The following RGS9 variants were observed in gnomAD, a reference collection of about 807,000 sequenced individuals.
RGS9 encodes regulator of G protein signaling 9.
A neutral mutation model predicts 102.0 loss-of-function variants in RGS9; 78 were observed. The ratio of observed to expected loss-of-function variants is 0.76; its 90% CI spans 0.64 to 0.92. RGS9 has a LOEUF of 0.92. Among genes scored for constraint, RGS9 ranks in the 40% least tolerant of loss-of-function variants. The pLI, the probability that RGS9 is intolerant of heterozygous loss-of-function variation, is 0.00. For missense variants in RGS9, 833 were observed against 866.1 expected (o/e 0.96, Z 0.48); for synonymous variants, 353 against 318.6 (o/e 1.11, Z -1.15).
chr17:65,215,170 T>C (rs7215502), intron 17 of RGS9, among the ~76,000 whole-genome samples: 24,558 of 152,064 alleles, frequency 0.16, 3,086 homozygotes, highest in African/African-American at 0.35. Context: ...CTGTGGTCTC[T>C]GTCAAGAGGA....
intron 6 of RGS9, among the ~76,000 whole-genome samples, chr17:65,161,387 G>A (rs999163246): frequency 3.3e-5 from 5 of 152,184 alleles, no homozygotes; most frequent in Non-Finnish European, 7.3e-5. Flanking sequence ...GAGTAGCTGG[G>A]ATTACAGGCG....
intron 14 of RGS9, among the ~76,000 whole-genome samples, chr17:65,202,580 G>A (rs553179039): frequency 3.1e-4 from 47 of 152,176 alleles, no homozygotes; most frequent in African/African-American, 3.9e-4. Context: ...GACAGTGAGC[G>A]CAGCTTGGGG....
chr17:65,205,610 G>C (rs550039522), intron 15 of RGS9, among the ~76,000 whole-genome samples: 46 of 151,784 alleles, frequency 3.0e-4, no homozygotes, highest in African/African-American at 1.1e-3. Flanking sequence ...TAGGTTATAT[G>C]ATATAGGTTA....
intron 1 of RGS9, among the ~76,000 whole-genome samples, chr17:65,147,870 C>G (rs1910430484): frequency 6.6e-6 from 1 of 152,082 alleles, no homozygotes; most frequent in South Asian, 2.1e-4. Flanking sequence ...GGATTACAGG[C>G]ATGAGCCACT....
chr17:65,191,737 A>C (rs552224015), intron 11 of RGS9, among the ~76,000 whole-genome samples: 159 of 152,270 alleles, frequency 1.0e-3, no homozygotes, highest in African/African-American at 3.6e-3. Flanking sequence ...ACAGAGCAAG[A>C]CTTTGTCTCA....
intron 12 of RGS9, among the ~76,000 whole-genome samples, chr17:65,196,563 G>A (rs1450784702): frequency 2.6e-5 from 4 of 152,244 alleles, no homozygotes; most frequent in Non-Finnish European, 4.4e-5. Context: ...GCATCTTAGA[G>A]GAAGCCCTGA....
intron 10 of RGS9, 109 bp from the exon 11 acceptor site, chr17:65,190,066 G>A: frequency 1.1e-6 from 1 of 888,576 alleles, no homozygotes; most frequent in Non-Finnish European, 1.9e-6. Flanking sequence ...TCTGGGCATG[G>A]AACGGGATGT....
intron 12 of RGS9, among the ~76,000 whole-genome samples, chr17:65,196,581 T>A (rs1912593731): frequency 6.6e-6 from 1 of 151,910 alleles, no homozygotes; most frequent in Admixed American, 6.6e-5. Context: ...TGAAAGGGAG[T>A]GCAGAGATGG....
In RGS9 at chr17:65,137,479, TG is replaced by T. The variant is rs1047011512; in HGVS notation, c.-56del. 27 of 1,555,552 alleles carry T rather than the reference TG, an allele frequency of 1.7e-5. No individual in the cohort carries two copies. Among genetic ancestry groups the T allele is most frequent in the African/African-American group, 9.5e-5 (7 of 73,878 alleles). On this transcript the variant is annotated 5_prime_UTR_variant, in exon 1 of 19. Coordinates refer to ENST00000262406, the MANE Select transcript of RGS9 (RefSeq NM_003835.4). ...GGCGAGCCAGGCTGCCTTTCGAACTTGGGGGGCTTCTCCTCTTGTCTCCCAC... is the reference window on the plus strand; with the variant it reads ...GGCGAGCCAGGCTGCCTTTCGAACTTGGGGGCTTCTCCTCTTGTCTCCCAC...
intron 9 of RGS9, among the ~76,000 whole-genome samples, chr17:65,180,997 C>T (rs959175749): frequency 1.6e-4 from 25 of 152,308 alleles, no homozygotes; most frequent in African/African-American, 5.8e-4. Flanking sequence ...TTTATGGCTG[C>T]ATAGTATTCC....
intron 1 of RGS9, among the ~76,000 whole-genome samples, chr17:65,141,070 TTCTCACA>T (rs1211130974): frequency 2.0e-5 from 3 of 152,106 alleles, no homozygotes; most frequent in Non-Finnish European, 4.4e-5. Context: ...ATTCCCGAGG[TTCTCACA>T]CCCATGCCTC....
At chr17:65,218,257 T>A (rs1301458407) in intron 17 of RGS9, among the ~76,000 whole-genome samples, 1 of 152,232 alleles carries the variant, frequency 6.6e-6, no homozygotes, top group African/African-American at 2.4e-5. Context: ...TGCTGTGGGA[T>A]GGCCACGGGA....
At chr17:65,178,026 T>G (rs1040149118) in intron 9 of RGS9, among the ~76,000 whole-genome samples, 14 of 152,256 alleles carry the variant, frequency 9.2e-5, no homozygotes, top group Non-Finnish European at 2.9e-5. Flanking sequence ...ACAGAGGCTG[T>G]AGAGTGCAGG....
chr17:65,195,752 C>T (rs536256036), intron 12 of RGS9, among the ~76,000 whole-genome samples: 6 of 152,318 alleles, frequency 3.9e-5, no homozygotes, highest in South Asian at 4.1e-4. Flanking sequence ...CCTCCCAAAC[C>T]TCTTATTTGG....
chr17:65,194,191 T>C (rs1057217793), intron 12 of RGS9, among the ~76,000 whole-genome samples: 1 of 152,242 alleles, frequency 6.6e-6, no homozygotes, highest in African/African-American at 2.4e-5. Flanking sequence ...CTTAGCATCA[T>C]GTTTTCAAGG....
chr17:65,201,959 C>T lies in RGS9; in HGVS notation c.977-34C>T, dbSNP rs1220810614. On this transcript the variant is annotated intron_variant, in intron 13 of 18. Transcript: ENST00000262406. ...TTCTTCTTCCAACTTATTTCCTGCCCGGCCCTCATCCACGTGGACTTCTCA... is the reference window on the plus strand; with the variant it reads ...TTCTTCTTCCAACTTATTTCCTGCCTGGCCCTCATCCACGTGGACTTCTCA... 15 of 1,410,036 alleles carry T rather than the reference C, an allele frequency of 1.1e-5. 1 individual carries two copies. Among genetic ancestry groups the T allele is most frequent in the East Asian group, 4.6e-5 (2 of 43,910 alleles). The allele number at this position is 1,410,036 out of a possible 1,614,324, so 87.3% of individuals were successfully genotyped here.
At chr17:65,186,492 C>T (rs776550331) in intron 9 of RGS9, among the ~76,000 whole-genome samples, 2 of 152,128 alleles carry the variant, frequency 1.3e-5, no homozygotes, top group Admixed American at 6.6e-5. Flanking sequence ...CGTGAGCCAC[C>T]GAACCCGGCC....
chr17:65,211,064 T>C (rs956704033), intron 17 of RGS9, among the ~76,000 whole-genome samples: 4 of 152,128 alleles, frequency 2.6e-5, no homozygotes, highest in African/African-American at 9.7e-5. Flanking sequence ...CACTCTCTGC[T>C]TTGGAAAATT....
chr17:65,186,229 C>G (rs1314455586), intron 9 of RGS9, among the ~76,000 whole-genome samples: 2 of 150,940 alleles, frequency 1.3e-5, no homozygotes, highest in Non-Finnish European at 2.9e-5. Flanking sequence ...TGGAGTCTCG[C>G]TCTGTGGCCG....
Sources: allele counts gnomAD v4.1 joint callset (sites outside exome capture counted in the v4.1 genomes callset), GRCh38; gene constraint gnomAD v4.1.1; transcripts MANE v1.5; gene names NCBI Gene and HGNC (gene_info 2026-07-23, HGNC 2026-07-21).